Variants in VARS2 observed in about 807,000 individuals in gnomAD.
The protein encoded by VARS2 is valyl-tRNA synthetase 2, mitochondrial.
In VARS2, 105 loss-of-function variants were observed where a neutral mutation model predicts 154.1. The ratio of observed to expected loss-of-function variants is 0.68; its 90% confidence interval spans 0.58 to 0.80. The LOEUF is 0.80. Among genes scored for constraint, VARS2 ranks in the 30% least tolerant of loss-of-function variants. The probability of loss-of-function intolerance (pLI) is 0.00; values close to 1 mark genes in which losing one functional copy is unlikely to be tolerated. For missense variants in VARS2, 1,157 were observed against 1,361.4 expected (o/e 0.85, Z 2.36); for synonymous variants, 483 against 539.5 (o/e 0.90, Z 1.45).
rs1470510884 is a variant in VARS2, at chr6:30,914,252, C to G, written c.-120C>G. ...GCCGGGGCCCCGCCCCCATGCGCCG[C>G]GCGGCTCCAGGGCCACGTTCCAGGG... On this transcript the variant is annotated 5_prime_UTR_variant, in exon 1 of 30. Transcript: ENST00000676266. The G allele has an allele frequency of 2.6e-6, 2 of 773,404 alleles. No homozygotes were observed. Among genetic ancestry groups the G allele is most frequent in the Non-Finnish European group, 3.5e-6 (2 of 567,588 alleles). The allele number at this position is 773,404 out of a possible 1,614,324, so 47.9% of individuals were successfully genotyped here.
In VARS2 at chr6:30,920,565, T is replaced by G; in HGVS notation, c.1398-103T>G. 1 of 1,353,366 alleles carries G rather than the reference T, an allele frequency of 7.4e-7. No homozygotes were observed. The allele number at this position is 1,353,366 out of a possible 1,614,324, so 83.8% of individuals were successfully genotyped here. A position where few individuals can be genotyped will look rare whatever the true frequency, so the allele number is the denominator to read the frequency against. ...AGCTCCGTGTCGGTTTTATTCGCTATTGTATCCTCAGTACCAAGGGCCTGG... is the reference window on the plus strand; with the variant it reads ...AGCTCCGTGTCGGTTTTATTCGCTAGTGTATCCTCAGTACCAAGGGCCTGG... On this transcript the variant is annotated intron_variant, in intron 14 of 29. Transcript: ENST00000676266. The surrounding 1 kb of genome is among the most constrained non-coding windows in gnomAD (Gnocchi z 4.6).
Position 30,925,729 on chromosome 6 carries a change from G to A in VARS2, c.2961+10G>A, listed in dbSNP as rs778769847. The A allele has an allele frequency of 4.3e-6, 7 of 1,611,166 alleles. No individual in the cohort carries two copies. The highest frequency in any genetic ancestry group is 5.1e-6 in the Non-Finnish European group (6 of 1,179,712). ...CTACATGGAGCTGCAGGTGACCAGA[G>A]GGGATGGGGAGGGTTAGGGCAGGCT... On this transcript the variant is annotated intron_variant, in intron 28 of 29. Transcript: ENST00000676266.
chr6:30,925,803 G>A (rs1239429458), intron 28 of VARS2, 77 bp from the exon 29 acceptor site: 3 of 1,610,904 alleles, frequency 1.9e-6, no homozygotes, highest in Non-Finnish European at 2.5e-6. Context: ...ATAAAGTAGG[G>A]GAAGGGACCT....
At position 30,917,987 on chromosome 6, in the gene VARS2, T is replaced by C. The variant is rs1265053918; in HGVS notation, c.985+181T>C. ...ATGTACAAAAAGTGCATGTGGTCACTGCCCTTTGAGAGTGTGGTGTGATTC... is the reference window on the plus strand; with the variant it reads ...ATGTACAAAAAGTGCATGTGGTCACCGCCCTTTGAGAGTGTGGTGTGATTC... On this transcript the variant is annotated intron_variant, in intron 10 of 29. Transcript: ENST00000676266. This position sits in a 1 kb window ranked among gnomAD's most constrained non-coding sequence, Gnocchi z 4.4. Among the ~76,000 whole-genome samples, 1 of 152,266 alleles carries C rather than the reference T, an allele frequency of 6.6e-6. No homozygotes were observed. Among genetic ancestry groups the C allele is most frequent in the Non-Finnish European group, 1.5e-5 (1 of 68,050 alleles).
In VARS2 at chr6:30,925,924, A is replaced by C; in HGVS notation, c.3006A>C (p.Arg1002=). ...TCCAGCTACCTCTGTTAGCCGCCCG[A>C]AGGTACAAGTTGCAGAAGCAGCTTG... is the stretch of plus-strand genomic sequence containing the variant. ...PQIQLPLLAA[R]RYKLQKQLDS... Residue 1002 remains arginine (R), a synonymous_variant, in exon 29 of 30, where the codon CGA becomes CGC. Transcript: ENST00000676266. 10 of 1,613,012 alleles carry C rather than the reference A, an allele frequency of 6.2e-6. No individual in the cohort carries two copies. The highest frequency in any genetic ancestry group is 8.5e-6 in the Non-Finnish European group (10 of 1,180,018).
At chr6:30,915,539 A>T in intron 4 of VARS2, 84 bp downstream of exon 4, 1 of 1,483,416 alleles carries the variant, frequency 6.7e-7, no homozygotes, top group East Asian at 2.3e-5. Flanking sequence ...AGTTGAGCTC[A>T]CATTGTAGAC....
In VARS2 at chr6:30,922,966, T is replaced by G; in HGVS notation, c.2175T>G (p.His725Gln). 1 of 1,610,278 alleles carries G rather than the reference T, an allele frequency of 6.2e-7. No individual in the cohort carries two copies. Among genetic ancestry groups the G allele is most frequent in the Non-Finnish European group, 8.5e-7 (1 of 1,178,052 alleles). Residue 725 changes from histidine (H) to glutamine (Q), a missense_variant, in exon 23 of 30, where the codon CAT (histidine) becomes CAG (glutamine). His to Gln is a conservative substitution (Grantham distance 24). Coordinates refer to ENST00000676266, the MANE Select transcript of VARS2 (RefSeq NM_020442.6). Reference sequence around the variant, plus strand: ...CCCTGAGATTCACACTCTGCTCCCATGGAGTTCAGGGTAAGCCTGGGCGAG... The same window carrying G: ...CCCTGAGATTCACACTCTGCTCCCAGGGAGTTCAGGGTAAGCCTGGGCGAG... ...TDALRFTLCS[H>Q]GVQAGDLHLS...
chr6:30,920,993 C>T lies in VARS2; in HGVS notation c.1480-72C>T. On this transcript the variant is annotated intron_variant, in intron 15 of 29. Coordinates refer to ENST00000676266, the MANE Select transcript of VARS2 (RefSeq NM_020442.6). This position sits in a 1 kb window ranked among gnomAD's most constrained non-coding sequence, Gnocchi z 4.6. ...CTGAGTTTTAAAATGACCTCAGAGG[C>T]CACTCGTCCTATCTGTGGAGGTGCG... The T allele has an allele frequency of 6.8e-7, 1 of 1,459,932 alleles. No individual in the cohort carries two copies. The highest frequency in any genetic ancestry group is 9.3e-7 in the Non-Finnish European group (1 of 1,080,962). 90.4% of individuals were successfully genotyped at this position (1,459,932 alleles called of 1,614,324 possible).
chr6:30,916,410 C>T lies in VARS2; in HGVS notation c.671+161C>T, dbSNP rs142975470. 9 of 624,216 alleles carry T rather than the reference C, an allele frequency of 1.4e-5. No homozygotes were observed. In the East Asian group the frequency reaches 2.5e-4, roughly 17 times the overall value. The allele number at this position is 624,216 out of a possible 1,614,324, so 38.7% of individuals were successfully genotyped here. A position where few individuals can be genotyped will look rare whatever the true frequency, so the allele number is the denominator to read the frequency against. ...AGCCTGTTAACATTTGGTGGAGTTT[C>T]TAAGCCTTATGTGTGTGGATATTAT... On this transcript the variant is annotated intron_variant, in intron 7 of 29. Transcript: ENST00000676266. The surrounding 1 kb of genome is among the most constrained non-coding windows in gnomAD (Gnocchi z 4.0).
Position 30,926,368 on chromosome 6 carries a change from G to A in VARS2, c.*158G>A. ...GACTGGCTTGGTCGCAGTGACTGTG[G>A]TGTCCTTGAGATGCTCACATTACTG... On this transcript the variant is annotated 3_prime_UTR_variant, in exon 30 of 30. Transcript: ENST00000676266. The A allele has an allele frequency of 1.4e-6, 1 of 738,044 alleles. No homozygotes were observed. The highest frequency in any genetic ancestry group is 2.2e-6 in the Non-Finnish European group (1 of 446,346). The allele number at this position is 738,044 out of a possible 1,614,324, so 45.7% of individuals were successfully genotyped here.
intron 26 of VARS2, 88 bp downstream of exon 26, chr6:30,924,648 G>A (rs1794733763): frequency 2.8e-6 from 2 of 713,318 alleles, no homozygotes; most frequent in Non-Finnish European, 4.6e-6. Flanking sequence ...CTCATCTGCA[G>A]GAATGGTTCG....
Position 30,923,189 on chromosome 6 carries a change from C to G in VARS2, c.2271C>G (p.Leu757=). The G allele has an allele frequency of 1.9e-6, 3 of 1,613,088 alleles. No homozygotes were observed. The highest frequency in any genetic ancestry group is 2.5e-6 in the Non-Finnish European group (3 of 1,180,036). ...NKIWNALRFI[L]NALGEKFVPQ... ...TCTGGAATGCTCTTCGCTTTATCCT[C>G]AATGCTTTAGGGGAGAAATTTGTGC... Residue 757 remains leucine (L), a synonymous_variant, in exon 24 of 30, where the codon CTC becomes CTG. Coordinates refer to ENST00000676266, the MANE Select transcript of VARS2 (RefSeq NM_020442.6).
chr6:30,916,680 A>G lies in VARS2; in HGVS notation c.672-198A>G. 1 of 608,218 alleles carries G rather than the reference A, an allele frequency of 1.6e-6. No individual in the cohort carries two copies. Among genetic ancestry groups the G allele is most frequent in the East Asian group, 2.8e-5 (1 of 36,106 alleles). The allele number at this position is 608,218 out of a possible 1,614,324, so 37.7% of individuals were successfully genotyped here. A position where few individuals can be genotyped will look rare whatever the true frequency, so the allele number is the denominator to read the frequency against. Reference sequence around the variant, plus strand: ...GGCTATCCCTCCTCTCTTCCTATAGAATCTTTTGCCTCTTTTAATATCTTA... The same window carrying G: ...GGCTATCCCTCCTCTCTTCCTATAGGATCTTTTGCCTCTTTTAATATCTTA... On this transcript the variant is annotated intron_variant, in intron 7 of 29. Coordinates refer to ENST00000676266, the MANE Select transcript of VARS2 (RefSeq NM_020442.6). This position sits in a 1 kb window ranked among gnomAD's most constrained non-coding sequence, Gnocchi z 4.0.
rs764312184 is a variant in VARS2 at position 30,920,396 on chromosome 6, C to T, written c.1357C>T (p.Arg453Trp). The change falls in exon 14 of 30, where the codon CGG (arginine) becomes TGG (tryptophan). Residue 453 changes from arginine (R) to tryptophan (W), a missense_variant. Physicochemically the swap from Arg to Trp is moderately radical, Grantham distance 101. Transcript: ENST00000676266. The surrounding 1 kb of genome is among the most constrained non-coding windows in gnomAD (Gnocchi z 4.6). ...MSVLSEWGLF[R>W]GLQNHPMVLP... ...TGTGCTGAGTGAATGGGGCCTGTTC[C>T]GGGGCCTCCAGAACCACCCCATGGT... The T allele has an allele frequency of 6.2e-6, 10 of 1,612,772 alleles. No individual in the cohort carries two copies. The highest frequency in any genetic ancestry group is 1.6e-4 in the Middle Eastern group (1 of 6,070).
chr6:30,922,557 G>A lies in VARS2; in HGVS notation c.2037+3G>A. On this transcript the variant is annotated splice_donor_region_variant and intron_variant, in intron 21 of 29. Coordinates refer to ENST00000676266, the MANE Select transcript of VARS2 (RefSeq NM_020442.6). ...TCATCAGTGGGGTGGAGATGCAGGTGAGGACGAAGCACCCACTAGAGGGAC... is the reference window on the plus strand; with the variant it reads ...TCATCAGTGGGGTGGAGATGCAGGTAAGGACGAAGCACCCACTAGAGGGAC... The A allele has an allele frequency of 1.3e-6, 2 of 1,559,158 alleles. No homozygotes were observed. Among genetic ancestry groups the A allele is most frequent in the Non-Finnish European group, 1.7e-6 (2 of 1,152,822 alleles).
chr6:30,923,225 T>G lies in VARS2; in HGVS notation c.2307T>G (p.Ala769=). 1 of 1,613,110 alleles carries G rather than the reference T, an allele frequency of 6.2e-7. No homozygotes were observed. Among genetic ancestry groups the G allele is most frequent in the Non-Finnish European group, 8.5e-7 (1 of 1,180,034 alleles). Residue 769 remains alanine (A), a synonymous_variant, in exon 24 of 30, where the codon GCT becomes GCG. Coordinates refer to ENST00000676266, the MANE Select transcript of VARS2 (RefSeq NM_020442.6). The stretch of plus-strand genomic sequence containing the variant: ...GGGAGAAATTTGTGCCACAGCCTGC[T>G]GAGGAGGTAAGAGAAAACAGAGGTG... ...ALGEKFVPQP[A]EELSPSSPMD...
At chr6:30,923,988 G>A (rs1184404929) in intron 25 of VARS2, 4 of 391,488 alleles carry the variant, frequency 1.0e-5, no homozygotes, top group African/African-American at 8.4e-5. Flanking sequence ...GGTGGGTGGT[G>A]TAATGAATAT....
At position 30,923,088 on chromosome 6, in the gene VARS2, GA is replaced by G; in HGVS notation, c.2186-15del. The G allele has an allele frequency of 6.2e-7, 1 of 1,612,722 alleles. No homozygotes were observed. Among genetic ancestry groups the G allele is most frequent in the Non-Finnish European group, 8.5e-7 (1 of 1,179,838 alleles). The stretch of plus-strand genomic sequence containing the variant: ...CTGCCACCTACATGCAGACTACCTC[GA>G]TTCTTCCCTTCCAGCGGGCGACTTG... On this transcript the variant is annotated splice_polypyrimidine_tract_variant and intron_variant, in intron 23 of 29. Transcript: ENST00000676266.
At position 30,921,247 on chromosome 6, in the gene VARS2, G is replaced by T; in HGVS notation, c.1574G>T (p.Arg525Leu). The change falls in exon 17 of 30, where the codon CGG becomes CTG. Residue 525 changes from arginine (R) to leucine (L), a missense_variant. By Grantham distance (102) the Arg-to-Leu change is moderately radical (BLOSUM62 -2). Coordinates refer to ENST00000676266, the MANE Select transcript of VARS2 (RefSeq NM_020442.6). This position sits in a 1 kb window ranked among gnomAD's most constrained non-coding sequence, Gnocchi z 4.6. ...FSHIGDWCVSRQLWWGHQIPA... is the reference protein window; with the variant it reads ...FSHIGDWCVSLQLWWGHQIPA... Reference sequence around the variant, plus strand: ...CCCGGCAGGGACTGGTGTGTCTCCCGGCAGCTGTGGTGGGGCCATCAGATT... The same window carrying T: ...CCCGGCAGGGACTGGTGTGTCTCCCTGCAGCTGTGGTGGGGCCATCAGATT... The T allele has an allele frequency of 6.2e-7, 1 of 1,614,066 alleles. No homozygotes were observed. Among genetic ancestry groups the T allele is most frequent in the Non-Finnish European group, 8.5e-7 (1 of 1,180,006 alleles).
Sources: gnomAD v4.1 joint callset for allele counts (sites outside exome capture counted in the v4.1 genomes callset) on GRCh38, gnomAD v4.1.1 for gene constraint, Gnocchi (gnomAD v3.1) non-coding constraint, MANE v1.5 for transcripts, NCBI Gene and HGNC (gene_info 2026-07-23, HGNC 2026-07-21) for gene names.